VPS53: variants seen among roughly 807,000 people sequenced by gnomAD.
The protein encoded by VPS53 is vacuolar protein sorting-associated protein 53 homolog.
VPS53 carries 70 observed loss-of-function variants against 107.0 expected under a neutral mutation model. The ratio of observed to expected loss-of-function variants is 0.65; its 90% confidence interval spans 0.54 to 0.80. The LOEUF (loss-of-function observed/expected upper bound fraction) is 0.80, where lower values mean the gene tolerates loss of function less well. VPS53 is among the 30% of genes least tolerant of loss of function. VPS53 has a pLI of 0.00. For synonymous variants in VPS53, 409 were observed against 393.3 expected, an observed-to-expected ratio of 1.04 and a Z score of -0.47; for missense variants, 917 against 1,049.4, an observed-to-expected ratio of 0.87 and a Z score of 1.74.
At chr17:553,498 T>TGA in intron 15 of VPS53, 36 bp from the exon 16 acceptor site, 1 of 1,485,580 alleles carries the variant, frequency 6.7e-7, no homozygotes, top group Non-Finnish European at 9.4e-7. Flanking sequence ...GCACGGTTAA[T>TGA]GATTATCCAA....
chr17:598,531 G>A (rs1968115050), intron 12 of VPS53, among the ~76,000 whole-genome samples: 1 of 151,266 alleles, frequency 6.6e-6, no homozygotes, highest in Non-Finnish European at 1.5e-5. Context: ...CCTCTTCCCG[G>A]CCGCCATCAC....
intron 1 of VPS53, among the ~76,000 whole-genome samples, 167 bp from the exon 2 acceptor site, chr17:710,780 TAAAAATA>T (rs1045772203): frequency 1.3e-5 from 2 of 151,940 alleles, no homozygotes; most frequent in Admixed American, 6.6e-5. Flanking sequence ...AGGTCTCTAC[TAAAAATA>T]AAAACTTGGC....
At chr17:604,602 C>A (rs961834620) in intron 11 of VPS53, among the ~76,000 whole-genome samples, 1 of 152,178 alleles carries the variant, frequency 6.6e-6, no homozygotes, top group Admixed American at 6.5e-5. Flanking sequence ...CATCACCACA[C>A]CCAAGTAATT....
At chr17:654,748 A>AG (rs1256903688) in intron 6 of VPS53, among the ~76,000 whole-genome samples, 94 of 148,632 alleles carry the variant, frequency 6.3e-4, no homozygotes, top group Non-Finnish European at 1.1e-3. Flanking sequence ...AAAAAAAAAA[A>AG]AAAAAAGAAA....
chr17:603,460 G>C (rs569917570), intron 11 of VPS53, among the ~76,000 whole-genome samples: 1 of 152,176 alleles, frequency 6.6e-6, no homozygotes, highest in Admixed American at 6.6e-5. Context: ...TTGCACAAAA[G>C]CACTACACCT....
chr17:654,606 G>A (rs945387896), intron 6 of VPS53, among the ~76,000 whole-genome samples: 5 of 151,346 alleles, frequency 3.3e-5, no homozygotes, highest in African/African-American at 7.3e-5. Context: ...GCTTAGTGGC[G>A]GGCGCCTGTA....
chr17:627,000 G>A (rs1202736252), intron 10 of VPS53, among the ~76,000 whole-genome samples, 174 bp downstream of exon 10: 1 of 152,140 alleles, frequency 6.6e-6, no homozygotes, highest in Non-Finnish European at 1.5e-5. Flanking sequence ...GAGCAAAGAT[G>A]GGGGCAGAGG....
At chr17:714,296 T>C (rs1025154468) in intron 1 of VPS53, 5 of 329,078 alleles carry the variant, frequency 1.5e-5, no homozygotes, top group Non-Finnish European at 2.8e-5. Flanking sequence ...GGTAAATGCA[T>C]GAAGCCCCCA....
intron 11 of VPS53, among the ~76,000 whole-genome samples, chr17:602,154 T>G (rs1289828272): frequency 6.6e-6 from 1 of 152,184 alleles, no homozygotes; most frequent in Non-Finnish European, 1.5e-5. Context: ...AAACCGGAAC[T>G]CCGTTCTGCT....
At chr17:682,726 T>G (rs766378106) in intron 4 of VPS53, among the ~76,000 whole-genome samples, 1 of 151,874 alleles carries the variant, frequency 6.6e-6, no homozygotes, top group Non-Finnish European at 1.5e-5. Context: ...CAATAAAAAA[T>G]TTTAAGACAT....
intron 7 of VPS53, among the ~76,000 whole-genome samples, chr17:646,040 G>A (rs546160188): frequency 3.4e-4 from 40 of 116,132 alleles, no homozygotes; most frequent in East Asian, 5.8e-4. Context: ...ACACATCTCG[G>A]TGACCGCGTG....
chr17:638,093 G>A (rs543584960), intron 7 of VPS53, among the ~76,000 whole-genome samples: 13 of 152,274 alleles, frequency 8.5e-5, no homozygotes, highest in South Asian at 6.2e-4. Context: ...ATGAATCTGC[G>A]TACTCCTGTA....
At chr17:675,006 G>T (rs375996060) in intron 4 of VPS53, 1 of 152,188 alleles carries the variant, frequency 6.6e-6, no homozygotes, top group East Asian at 1.9e-4. Flanking sequence ...CATTTATAGT[G>T]TAATAAAACA....
intron 2 of VPS53, among the ~76,000 whole-genome samples, chr17:700,221 T>C (rs746229607): frequency 9.2e-5 from 14 of 152,194 alleles, no homozygotes; most frequent in Non-Finnish European, 1.8e-4. Context: ...CAACTACGTA[T>C]TGCAATATGA....
At chr17:714,339 C>T (rs1017509424) in intron 1 of VPS53, 2 of 451,242 alleles carry the variant, frequency 4.4e-6, no homozygotes, top group African/African-American at 4.2e-5. Flanking sequence ...GCACCCAAGG[C>T]CTGCATTCTC....
At chr17:709,707 G>A (rs1052820945) in intron 2 of VPS53, among the ~76,000 whole-genome samples, 5 of 152,150 alleles carry the variant, frequency 3.3e-5, no homozygotes, top group South Asian at 2.1e-4. Context: ...GAAACGAAGC[G>A]GGACTCTCAC....
At position 627,313 on chromosome 17, in the gene VPS53, C is replaced by T; in HGVS notation, c.835G>A (p.Ala279Thr). The stretch of plus-strand genomic sequence containing the variant: ...CGTCTGTCGATTTTGTCCAGCCAGG[C>T]AACCTGGTGAAGGTGGAGATCAAAA... ...LVLFQENQDV[A>T]WLDKIDRRYA... Residue 279 changes from alanine (A) to threonine (T), a missense_variant, in exon 10 of 22, where the codon GCC becomes ACC. Coordinates refer to ENST00000437048, the MANE Select transcript of VPS53 (RefSeq NM_001128159.3). 6.2e-7 allele frequency: 1 copy of T among 1,612,898 alleles called. No homozygotes were observed. Among genetic ancestry groups the T allele is most frequent in the Non-Finnish European group, 8.5e-7 (1 of 1,179,480 alleles).
chr17:662,371 T>A (rs1971468746), intron 4 of VPS53, among the ~76,000 whole-genome samples: 2 of 152,096 alleles, frequency 1.3e-5, no homozygotes, highest in African/African-American at 2.4e-5. Context: ...AGTAAGCCAT[T>A]TGAAAACCAA....
intron 18 of VPS53, among the ~76,000 whole-genome samples, chr17:534,026 G>A (rs374622589): frequency 3.9e-5 from 6 of 152,210 alleles, no homozygotes; most frequent in East Asian, 1.9e-4. Context: ...TTTTAGTAGA[G>A]ATAGGGTTTC....
Sources: gnomAD v4.1 joint callset for allele counts (sites outside exome capture counted in the v4.1 genomes callset) on GRCh38, gnomAD v4.1.1 for gene constraint, MANE v1.5 for transcripts, NCBI Gene and HGNC (gene_info 2026-07-23, HGNC 2026-07-21) for gene names.